The following SULF2 variants were observed in gnomAD, a reference collection of about 807,000 sequenced individuals.
SULF2 encodes the protein sulfatase 2.
SULF2 carries 52 observed loss-of-function variants against 107.7 expected under a neutral mutation model. The observed-to-expected ratio is 0.48, with a 90% CI of 0.39 to 0.61. SULF2 has a LOEUF of 0.61. Among genes scored for constraint, SULF2 ranks in the 20% least tolerant of loss-of-function variants. The pLI is 0.00. For synonymous variants in SULF2, 460 were observed against 464.3 expected (o/e 0.99, Z 0.12); for missense variants, 993 against 1,177.3 (o/e 0.84, Z 2.29).
At chr20:47,714,176 C>A (rs2089029111) in intron 3 of SULF2, among the ~76,000 whole-genome samples, 1 of 152,266 alleles carries the variant, frequency 6.6e-6, no homozygotes, top group Admixed American at 6.5e-5. Flanking sequence ...AAAACGGGGT[C>A]TTTGCCCTTC....
intron 11 of SULF2, among the ~76,000 whole-genome samples, chr20:47,670,889 T>A (rs1010830321): frequency 1.3e-5 from 2 of 151,938 alleles, no homozygotes; most frequent in African/African-American, 2.4e-5. Context: ...TAATTTTTTT[T>A]AAAAACAACA....
intron 1 of SULF2, among the ~76,000 whole-genome samples, chr20:47,771,059 C>T (rs2090620758): frequency 6.6e-6 from 1 of 152,198 alleles, no homozygotes. Context: ...GTAAAACAGT[C>T]AGTCCTGCTG....
At chr20:47,720,807 T>C (rs2089274346) in intron 3 of SULF2, among the ~76,000 whole-genome samples, 1 of 152,168 alleles carries the variant, frequency 6.6e-6, no homozygotes, top group Non-Finnish European at 1.5e-5. Flanking sequence ...TGATCTGTCA[T>C]TTGGCTTCCT....
In SULF2 at chr20:47,757,476, G is replaced by A. The variant is rs2090321968; in HGVS notation, c.-100-13C>T. ...TTCACTCGCAGATCTAGAGGAGGAG[G>A]AAGAATCAGGTCAATATTTATGTCA... On this transcript the variant is annotated splice_polypyrimidine_tract_variant and intron_variant, in intron 1 of 20. Transcript: ENST00000688720. The A allele has an allele frequency of 2.4e-6, 3 of 1,235,330 alleles. No homozygotes were observed. In the South Asian group the frequency reaches 4.7e-5, roughly 19 times the overall value. The allele number at this position is 1,235,330 out of a possible 1,614,324, so 76.5% of individuals were successfully genotyped here. A position where few individuals can be genotyped will look rare whatever the true frequency, so the allele number is the denominator to read the frequency against.
chr20:47,658,853 T>C (rs887843761), intron 20 of SULF2, among the ~76,000 whole-genome samples: 36 of 152,210 alleles, frequency 2.4e-4, no homozygotes, highest in African/African-American at 8.7e-4. Context: ...TCACACATAC[T>C]TGCATTTTTG....
chr20:47,698,968 T>G (rs1201263697), intron 4 of SULF2, among the ~76,000 whole-genome samples: 1 of 152,028 alleles, frequency 6.6e-6, no homozygotes, highest in Admixed American at 6.6e-5. Flanking sequence ...GAGACAGAGG[T>G]TGTGGTAAGC....
chr20:47,704,614 T>A (rs1297775777), intron 3 of SULF2, among the ~76,000 whole-genome samples: 2 of 152,212 alleles, frequency 1.3e-5, no homozygotes, highest in Non-Finnish European at 2.9e-5. Flanking sequence ...TAAAGCCATA[T>A]TTAAGAAATG....
chr20:47,733,014 T>C (rs4809647), intron 3 of SULF2, among the ~76,000 whole-genome samples: 53,796 of 152,142 alleles, frequency 0.35, 11,173 homozygotes, highest in African/African-American at 0.58. Flanking sequence ...TCATTTTGTC[T>C]TTTGTCAATC....
chr20:47,757,033 AC>A (rs1311106279), intron 2 of SULF2, among the ~76,000 whole-genome samples, 155 bp downstream of exon 2: 1 of 152,114 alleles, frequency 6.6e-6, no homozygotes, highest in African/African-American at 2.4e-5. Flanking sequence ...CCCAGTTGTG[AC>A]CCCAAACACG....
chr20:47,663,482 T>C lies in SULF2; in HGVS notation c.2198A>G (p.Gln733Arg). Reference protein sequence around the residue: ...PGLTCFTHDNQHWQTAPFWTL... With the variant: ...PGLTCFTHDNRHWQTAPFWTL... ...CCAGAAAGGCGCCGTCTGCCAGTGC[T>C]GGTTGTCGTGGGTGAAGCACGTGAG... Residue 733 changes from glutamine to arginine, a missense_variant, in exon 16 of 21, where the codon CAG (glutamine) becomes CGG (arginine). By Grantham distance (43) the Gln-to-Arg change is conservative. This residue lies in a region of SULF2 where 497 missense variants were observed against 544.1 expected (regional missense o/e 0.91). Transcript: ENST00000688720. 1 of 1,610,942 alleles carries C rather than the reference T, an allele frequency of 6.2e-7. No homozygotes were observed. Among genetic ancestry groups the C allele is most frequent in the Non-Finnish European group, 8.5e-7 (1 of 1,180,008 alleles).
intron 2 of SULF2, among the ~76,000 whole-genome samples, chr20:47,747,880 C>A (rs556307713): frequency 1.3e-5 from 2 of 152,244 alleles, no homozygotes; most frequent in South Asian, 4.1e-4. Flanking sequence ...GCAAACCCTG[C>A]CGACCTTCCA....
intron 11 of SULF2, among the ~76,000 whole-genome samples, chr20:47,671,175 C>G (rs2087458164): frequency 6.6e-6 from 1 of 152,230 alleles, no homozygotes; most frequent in South Asian, 2.1e-4. Flanking sequence ...ACTTCGCCTG[C>G]TCCCTGGCTT....
At chr20:47,712,569 G>T (rs6018653) in intron 3 of SULF2, among the ~76,000 whole-genome samples, 1 of 152,140 alleles carries the variant, frequency 6.6e-6, no homozygotes, top group African/African-American at 2.4e-5. Context: ...TAGCCCCAGC[G>T]CAGTACCTGG....
Position 47,726,301 on chromosome 20 carries a change from G to A in SULF2, c.415+10402C>T, listed in dbSNP as rs376107553. ...GCTTACTGCAGCCTCAAACTCCTAG[G>A]CTCAAGTGATCCTCCTGCCTCAGCC... On this transcript the variant is annotated intron_variant, in intron 3 of 20. Transcript: ENST00000688720. Among the ~76,000 whole-genome samples, 317 of 152,170 alleles carry A rather than the reference G, an allele frequency of 2.1e-3. 1 individual carries two copies. Among genetic ancestry groups the A allele is most frequent in the African/African-American group, 7.2e-3 (299 of 41,508 alleles).
At chr20:47,735,130 C>G (rs930423183) in intron 3 of SULF2, among the ~76,000 whole-genome samples, 3 of 152,172 alleles carry the variant, frequency 2.0e-5, no homozygotes, top group Non-Finnish European at 4.4e-5. Context: ...CACTTTGACT[C>G]TGGGCAGGTC....
intron 1 of SULF2, among the ~76,000 whole-genome samples, chr20:47,762,348 A>G (rs2090434769): frequency 6.6e-6 from 1 of 152,186 alleles, no homozygotes; most frequent in South Asian, 2.1e-4. Context: ...CCAGAAACCA[A>G]TCACAGGAAA....
intron 2 of SULF2, among the ~76,000 whole-genome samples, chr20:47,751,662 C>T (rs188468551): frequency 2.0e-4 from 30 of 152,258 alleles, no homozygotes; most frequent in East Asian, 7.7e-4. Flanking sequence ...TAGATCCAGC[C>T]GCACCTGAAG....
intron 3 of SULF2, among the ~76,000 whole-genome samples, chr20:47,714,130 C>T (rs1434548791): frequency 6.6e-6 from 1 of 152,252 alleles, no homozygotes; most frequent in East Asian, 1.9e-4. Context: ...CCAAAACAGA[C>T]CCGCGCCATT....
In SULF2 at chr20:47,678,925, A is replaced by G. The variant is rs1259563104; in HGVS notation, c.1065-121T>C. On this transcript the variant is annotated intron_variant, in intron 7 of 20. Coordinates refer to ENST00000688720, the MANE Select transcript of SULF2 (RefSeq NM_001387048.1). This position sits in a 1 kb window ranked among gnomAD's most constrained non-coding sequence, Gnocchi z 4.5. ...GGGAGGCTGACATCTGCAGGTATGG[A>G]AGCTGCAGTCTGGCACCTCAACCTC... 7.3e-6 allele frequency: 6 copies of G among 827,200 alleles called. No individual in the cohort carries two copies. The highest frequency in any genetic ancestry group is 1.2e-5 in the Non-Finnish European group (6 of 504,010). The allele number at this position is 827,200 out of a possible 1,614,324, so 51.2% of individuals were successfully genotyped here. A position where few individuals can be genotyped will look rare whatever the true frequency, so the allele number is the denominator to read the frequency against.
Sources: gnomAD v4.1 joint callset for allele counts (sites outside exome capture counted in the v4.1 genomes callset) on GRCh38, gnomAD v4.1.1 for gene constraint, gnomAD v4.1.1 regional missense constraint, Gnocchi (gnomAD v3.1) non-coding constraint, MANE v1.5 for transcripts, NCBI Gene and HGNC (gene_info 2026-07-23, HGNC 2026-07-21) for gene names.